Variants in FRMD5 observed in about 807,000 individuals in gnomAD.
The protein encoded by FRMD5 is FERM domain-containing protein 5.
FRMD5 carries 20 observed loss-of-function variants against 69.0 expected under a neutral mutation model. The observed-to-expected ratio is 0.29, with a 90% confidence interval of 0.20 to 0.42. The LOEUF is 0.42. FRMD5 is among the 10% of genes least tolerant of loss of function. The pLI is 1.00. For missense variants in FRMD5, 595 were observed against 708.6 expected (o/e 0.84, Z 1.82); for synonymous variants, 271 against 260.1 (o/e 1.04, Z -0.40).
At chr15:43,875,332 C>G (rs1480834440) in intron 13 of FRMD5, among the ~76,000 whole-genome samples, 1 of 87,434 alleles carries the variant, frequency 1.1e-5, no homozygotes, top group Admixed American at 1.7e-4. Flanking sequence ...ACCTGAGCAA[C>G]AGAGAAAGAC....
intron 1 of FRMD5, among the ~76,000 whole-genome samples, chr15:44,173,804 G>A (rs991052909): frequency 2.6e-5 from 4 of 152,090 alleles, no homozygotes; most frequent in Non-Finnish European, 5.9e-5. Context: ...ATGAGCTGCC[G>A]CATATGGCTG....
At chr15:44,061,520 C>T (rs1043398136) in intron 1 of FRMD5, among the ~76,000 whole-genome samples, 3 of 152,154 alleles carry the variant, frequency 2.0e-5, no homozygotes, top group Non-Finnish European at 4.4e-5. Context: ...TTATCATTAC[C>T]CTTTATGCTT....
At chr15:43,997,879 C>T (rs1205416511) in intron 1 of FRMD5, among the ~76,000 whole-genome samples, 1 of 152,092 alleles carries the variant, frequency 6.6e-6, no homozygotes, top group East Asian at 1.9e-4. Context: ...ATATGTTCTT[C>T]AATGTTCATG....
intron 1 of FRMD5, among the ~76,000 whole-genome samples, chr15:43,939,028 ATT>A (rs879633615): frequency 1.4e-5 from 2 of 143,458 alleles, no homozygotes; most frequent in Non-Finnish European, 1.5e-5. Context: ...CATCCGGCTA[ATT>A]TTTTTTTTTT....
chr15:44,196,742 CTCTCTCTCTT>C (rs1474069381), upstream of FRMD5, among the ~76,000 whole-genome samples: 4 of 104,674 alleles, frequency 3.8e-5, no homozygotes, highest in South Asian at 3.2e-4. Flanking sequence ...TTCTCTCTCT[CTCTCTCTCTT>C]TCTCTCTCTC....
intron 1 of FRMD5, among the ~76,000 whole-genome samples, chr15:44,150,512 G>A (rs2077426614): frequency 6.6e-6 from 1 of 152,072 alleles, no homozygotes; most frequent in African/African-American, 2.4e-5. Flanking sequence ...GGGTGTGATG[G>A]CTGACTCCTG....
intron 1 of FRMD5, among the ~76,000 whole-genome samples, chr15:44,048,351 T>G (rs2140337452): frequency 6.6e-6 from 1 of 152,320 alleles, no homozygotes; most frequent in East Asian, 1.9e-4. Flanking sequence ...ATTGGCCATT[T>G]TTGTAACTTG....
At chr15:43,938,819 T>C (rs2089809233) in intron 1 of FRMD5, among the ~76,000 whole-genome samples, 1 of 152,170 alleles carries the variant, frequency 6.6e-6, no homozygotes, top group Non-Finnish European at 1.5e-5. Flanking sequence ...GATTTCTTTT[T>C]AGATTTTTTT....
Position 44,084,932 on chromosome 15 carries a change from T to C in FRMD5, c.102+110021A>G, listed in dbSNP as rs75782710. Among the ~76,000 whole-genome samples, 8 of 152,154 alleles carry C rather than the reference T, an allele frequency of 5.3e-5. No homozygotes were observed. The East Asian group carries it at 1.2e-3, about 22-fold the overall frequency. On this transcript the variant is annotated intron_variant, in intron 1 of 13. Coordinates refer to ENST00000417257, the MANE Select transcript of FRMD5 (RefSeq NM_032892.5). ...AAGATCGTGACTTTGATATACAATC[T>C]GGGGAAGCAATCTGGGGGTGTGGTA...
At position 43,919,636 on chromosome 15, in the gene FRMD5, T is replaced by C. The variant is rs2089457775; in HGVS notation, c.251-99A>G. On this transcript the variant is annotated intron_variant, in intron 3 of 13. Coordinates refer to ENST00000417257, the MANE Select transcript of FRMD5 (RefSeq NM_032892.5). The stretch of plus-strand genomic sequence containing the variant: ...ATGAAGCAGCAGAAGAGAACCCTCA[T>C]ATATTTAGGGCCAACTTATACTCAG... 3 of 1,439,996 alleles carry C rather than the reference T, an allele frequency of 2.1e-6. No individual in the cohort carries two copies. In the Admixed American group the frequency reaches 5.1e-5, roughly 25 times the overall value. 89.2% of individuals were successfully genotyped at this position (1,439,996 alleles called of 1,614,324 possible).
rs139084566 is a variant in FRMD5 at position 43,932,090 on chromosome 15, G to A, written c.103-7781C>T. Among the ~76,000 whole-genome samples, 15 of 152,286 alleles carry A rather than the reference G, an allele frequency of 9.8e-5. 1 individual carries two copies. The East Asian group carries it at 1.9e-3, about 20-fold the overall frequency. ...TCTTACATCTAAGGATGACTGTGGG[G>A]CTAAAATCAAGACACAAAATATACA... is the stretch of plus-strand genomic sequence containing the variant. On this transcript the variant is annotated intron_variant, in intron 1 of 13. Transcript: ENST00000417257.
intron 1 of FRMD5, among the ~76,000 whole-genome samples, chr15:43,934,626 T>C (rs114196612): frequency 0.016 from 2,458 of 152,300 alleles, 74 homozygotes; most frequent in African/African-American, 0.057. Flanking sequence ...GTGAACACCA[T>C]TATGTGAAAC....
chr15:43,889,117 T>C (rs1274354579), intron 8 of FRMD5, among the ~76,000 whole-genome samples: 3 of 152,218 alleles, frequency 2.0e-5, no homozygotes. Context: ...TTCGGGCTTA[T>C]CAACAGTGGC....
intron 1 of FRMD5, among the ~76,000 whole-genome samples, chr15:44,037,573 T>C (rs1891976828): frequency 6.6e-6 from 1 of 151,184 alleles, no homozygotes; most frequent in Non-Finnish European, 1.5e-5. Context: ...GTTCGAGCAA[T>C]TCTCCTGCCT....
intron 1 of FRMD5, among the ~76,000 whole-genome samples, chr15:44,164,998 T>C (rs1028658090): frequency 6.6e-6 from 1 of 152,222 alleles, no homozygotes; most frequent in African/African-American, 2.4e-5. Context: ...AGTAGTATTC[T>C]GGGTCCTGGG....
At chr15:43,997,876 C>T (rs1890009006) in intron 1 of FRMD5, among the ~76,000 whole-genome samples, 3 of 152,114 alleles carry the variant, frequency 2.0e-5, no homozygotes, top group Admixed American at 2.0e-4. Context: ...AATATATGTT[C>T]TTCAATGTTC....
At chr15:43,952,607 A>G (rs1178312541) in intron 1 of FRMD5, among the ~76,000 whole-genome samples, 2 of 152,224 alleles carry the variant, frequency 1.3e-5, no homozygotes, top group African/African-American at 2.4e-5. Context: ...CGCTTCCAGG[A>G]ATGAACACTG....
At position 44,130,804 on chromosome 15, in the gene FRMD5, C is replaced by A. The variant is rs148582239; in HGVS notation, c.102+64149G>T. 2.0e-4 allele frequency among the ~76,000 whole-genome samples: 31 copies of A among 152,180 alleles called. 1 individual carries two copies. The highest frequency in any genetic ancestry group is 6.7e-4 in the African/African-American group (28 of 41,522). On this transcript the variant is annotated intron_variant, in intron 1 of 13. Transcript: ENST00000417257. ...CATAGATTTACAGATTTACTTACAACCTTGACTCTGGCAAGCAGAAGCCAG... is the reference window on the plus strand; with the variant it reads ...CATAGATTTACAGATTTACTTACAAACTTGACTCTGGCAAGCAGAAGCCAG...
chr15:44,182,324 C>CTT (rs71111843), intron 1 of FRMD5, among the ~76,000 whole-genome samples: 2 of 85,630 alleles, frequency 2.3e-5, no homozygotes, highest in South Asian at 4.0e-4. Context: ...CATTGCTTTT[C>CTT]TTTTTTTTTT....
Sources: gnomAD v4.1 joint callset for allele counts (sites outside exome capture counted in the v4.1 genomes callset) on GRCh38, gnomAD v4.1.1 for gene constraint, MANE v1.5 for transcripts, NCBI Gene and HGNC (gene_info 2026-07-23, HGNC 2026-07-21) for gene names.